SND1: variants seen among roughly 807,000 people sequenced by gnomAD.
SND1 encodes staphylococcal nuclease domain-containing protein 1.
In SND1, 38 loss-of-function variants were observed where a neutral mutation model predicts 121.7. The ratio of observed to expected loss-of-function variants is 0.31; its 90% CI spans 0.24 to 0.41. The LOEUF is 0.41. Ranked by LOEUF, SND1 falls within the 10% of genes least tolerant of loss-of-function variation. The pLI is 1.00. For missense variants in SND1, 868 were observed against 1,184.6 expected (o/e 0.73, Z 3.92); for synonymous variants, 401 against 447.4 (o/e 0.90, Z 1.31).
At position 128,074,808 on chromosome 7, in the gene SND1, G is replaced by T. The variant is rs552664371; in HGVS notation, c.1968+118G>T. Reference sequence around the variant, plus strand: ...CATCCCCACAGAGTAGCCCAGGAAGGTGTTGGTCTCAGACCCCACACCAAG... The same window carrying T: ...CATCCCCACAGAGTAGCCCAGGAAGTTGTTGGTCTCAGACCCCACACCAAG... On this transcript the variant is annotated intron_variant, in intron 17 of 23. Coordinates refer to ENST00000354725, the MANE Select transcript of SND1 (RefSeq NM_014390.4). 384 of 1,066,032 alleles carry T rather than the reference G, an allele frequency of 3.6e-4. 1 individual carries two copies. The East Asian group carries it at 9.9e-3, about 28-fold the overall frequency. The allele number at this position is 1,066,032 out of a possible 1,614,324, so 66.0% of individuals were successfully genotyped here.
chr7:127,997,725 C>T (rs146675053), intron 16 of SND1: 1 of 533,892 alleles, frequency 1.9e-6, no homozygotes, highest in African/African-American at 1.9e-5. Context: ...CTTCGTAATT[C>T]GTGCCTTATC....
At chr7:127,678,020 T>G (rs1795644762) in intron 1 of SND1, among the ~76,000 whole-genome samples, 1 of 152,204 alleles carries the variant, frequency 6.6e-6, no homozygotes, top group South Asian at 2.1e-4. Context: ...CATGGAAGCT[T>G]TACTTGCTTA....
chr7:127,761,337 T>C (rs1335923647), intron 10 of SND1, among the ~76,000 whole-genome samples: 6 of 152,228 alleles, frequency 3.9e-5, no homozygotes, highest in Non-Finnish European at 1.5e-5. Context: ...CTGTCTGTGG[T>C]TATCATTTTC....
intron 1 of SND1, among the ~76,000 whole-genome samples, chr7:127,678,669 T>C (rs557171817): frequency 1.3e-5 from 2 of 152,290 alleles, no homozygotes; most frequent in South Asian, 2.1e-4. Context: ...ACACAGCTTA[T>C]GTTGTTTTGG....
chr7:127,956,477 G>A (rs753969169), intron 15 of SND1, among the ~76,000 whole-genome samples: 1 of 152,200 alleles, frequency 6.6e-6, no homozygotes, highest in Non-Finnish European at 1.5e-5. Flanking sequence ...TCCAGGCAGT[G>A]AGCATCTGCA....
Position 127,704,838 on chromosome 7 carries a change from G to A in SND1, c.841-1G>A. On this transcript the variant is annotated splice_acceptor_variant, in intron 7 of 23. Transcript: ENST00000354725. LOFTEE classifies it high-confidence loss of function. ...TGCCTCTCATGTACCTTGTTTTTCA[G>A]AATGGCAACATCACAGAGCTCCTCC... 1 of 1,613,636 alleles carries A rather than the reference G, an allele frequency of 6.2e-7. No homozygotes were observed.
At chr7:127,813,044 G>A (rs575625790) in intron 11 of SND1, among the ~76,000 whole-genome samples, 1 of 152,336 alleles carries the variant, frequency 6.6e-6, no homozygotes, top group African/African-American at 2.4e-5. Flanking sequence ...AAATTGACAG[G>A]TTTATACAAG....
intron 11 of SND1, among the ~76,000 whole-genome samples, chr7:127,829,268 G>T (rs1306772459): frequency 6.6e-6 from 1 of 152,216 alleles, no homozygotes; most frequent in Non-Finnish European, 1.5e-5. Context: ...CTGAACAGTG[G>T]CTGTACTCTT....
intron 10 of SND1, among the ~76,000 whole-genome samples, chr7:127,772,095 G>A (rs1797522079): frequency 6.6e-6 from 1 of 152,116 alleles, no homozygotes; most frequent in Admixed American, 6.5e-5. Flanking sequence ...AATGCAGAGG[G>A]GCATTAGAGG....
At chr7:127,972,835 C>T (rs1236603497) in intron 15 of SND1, among the ~76,000 whole-genome samples, 2 of 152,224 alleles carry the variant, frequency 1.3e-5, no homozygotes, top group Non-Finnish European at 2.9e-5. Flanking sequence ...CTGTCTTGGC[C>T]TCCCAAAGTG....
chr7:127,725,472 T>C (rs1344862027), intron 10 of SND1, among the ~76,000 whole-genome samples: 1 of 152,208 alleles, frequency 6.6e-6, no homozygotes, highest in Admixed American at 6.5e-5. Flanking sequence ...GGTAAAAATA[T>C]GGGCCTGCCC....
At chr7:128,028,706 C>T in intron 16 of SND1, 5 of 1,613,308 alleles carry the variant, frequency 3.1e-6, no homozygotes, top group Non-Finnish European at 4.2e-6. Flanking sequence ...GTACCTTGTC[C>T]TTGGTATGGG....
At position 128,084,745 on chromosome 7, in the gene SND1, T is replaced by C. The variant is rs769752487; in HGVS notation, c.2132T>C (p.Met711Thr). 1 of 1,608,058 alleles carries C rather than the reference T, an allele frequency of 6.2e-7. No individual in the cohort carries two copies. Among genetic ancestry groups the C allele is most frequent in the Non-Finnish European group, 8.5e-7 (1 of 1,176,410 alleles). The change falls in exon 19 of 24, where the codon ATG becomes ACG. Residue 711 changes from methionine (M) to threonine (T), a missense_variant. Around this residue, in one of 2 missense-constraint regions of SND1, gnomAD observed 743 missense variants for 1,071.3 expected, o/e 0.69. Coordinates refer to ENST00000354725, the MANE Select transcript of SND1 (RefSeq NM_014390.4). Reference sequence around the variant, plus strand: ...GCAGGCACCCAGTTGGAGAAGCTGATGGAGAACATGCGCAATGACATTGCC... The same window carrying C: ...GCAGGCACCCAGTTGGAGAAGCTGACGGAGAACATGCGCAATGACATTGCC... ...VETGTQLEKL[M>T]ENMRNDIASH... is the part of the protein sequence containing the mutation.
At chr7:127,902,326 A>G (rs1296881042) in intron 13 of SND1, among the ~76,000 whole-genome samples, 1 of 152,220 alleles carries the variant, frequency 6.6e-6, no homozygotes, top group East Asian at 1.9e-4. Context: ...AGTGCCCCAT[A>G]GGACCTGCAG....
chr7:127,769,259 T>A (rs143516012), intron 10 of SND1, among the ~76,000 whole-genome samples: 3 of 152,076 alleles, frequency 2.0e-5, no homozygotes, highest in African/African-American at 4.8e-5. Context: ...TTTTTTTTTT[T>A]AGAAGTGACA....
intron 14 of SND1, among the ~76,000 whole-genome samples, chr7:127,923,754 C>T (rs1029456114): frequency 6.6e-5 from 10 of 152,168 alleles, no homozygotes; most frequent in African/African-American, 2.4e-4. Context: ...TTCTCCTGGT[C>T]TGCACAACCC....
At chr7:127,749,845 G>T (rs1296524203) in intron 10 of SND1, among the ~76,000 whole-genome samples, 1 of 152,212 alleles carries the variant, frequency 6.6e-6, no homozygotes, top group Non-Finnish European at 1.5e-5. Flanking sequence ...AGTGGCTCAA[G>T]CCTGCAATGC....
At chr7:127,707,947 A>C (rs1796230367) in intron 9 of SND1, among the ~76,000 whole-genome samples, 2 of 152,114 alleles carry the variant, frequency 1.3e-5, no homozygotes, top group Non-Finnish European at 2.9e-5. Flanking sequence ...TTATCTTAAG[A>C]TTTCCTATGT....
intron 12 of SND1, among the ~76,000 whole-genome samples, chr7:127,886,153 G>A (rs1302980060): frequency 2.6e-5 from 4 of 152,056 alleles, no homozygotes; most frequent in Non-Finnish European, 5.9e-5. Flanking sequence ...TTGTGGGAGT[G>A]GATTTTGAGA....
Sources: allele counts gnomAD v4.1 joint callset (sites outside exome capture counted in the v4.1 genomes callset), GRCh38; gene constraint gnomAD v4.1.1; regional missense constraint gnomAD v4.1.1; transcripts MANE v1.5; gene names NCBI Gene and HGNC (gene_info 2026-07-23, HGNC 2026-07-21).